Variants in GNG2 observed in about 807,000 individuals in gnomAD.
GNG2 encodes the protein guanine nucleotide-binding protein G(I)/G(S)/G(O) subunit gamma-2.
A neutral mutation model predicts 5.5 loss-of-function variants in GNG2; 5 were observed. The ratio of observed to expected loss-of-function variants is 0.91; its 90% CI spans 0.48 to 1.92. The LOEUF (loss-of-function observed/expected upper bound fraction) is 1.92. Among genes scored for constraint, GNG2 ranks in the 30% most tolerant of loss-of-function variants. The pLI, the probability that GNG2 is intolerant of heterozygous loss-of-function variation, is 0.01. For synonymous variants in GNG2, 28 were observed against 32.0 expected (o/e 0.88, Z 0.42); for missense variants, 55 against 88.4 (o/e 0.62, Z 1.52).
intron 2 of GNG2, among the ~76,000 whole-genome samples, chr14:51,945,922 A>C (rs1473770883): frequency 2.4e-5 from 3 of 123,924 alleles, no homozygotes; most frequent in African/African-American, 8.3e-5. Context: ...TGTTTGTTTA[A>C]GATTCTTTGT....
chr14:51,875,686 A>G (rs1008933513), intron 1 of GNG2, among the ~76,000 whole-genome samples: 4 of 151,042 alleles, frequency 2.6e-5, no homozygotes, highest in Admixed American at 6.6e-5. Context: ...AGAAAAATAT[A>G]TTAAGACATA....
At chr14:51,866,286 G>T (rs141511651) in intron 1 of GNG2, among the ~76,000 whole-genome samples, 1 of 152,138 alleles carries the variant, frequency 6.6e-6, no homozygotes, top group African/African-American at 2.4e-5. Context: ...CTGCATCTCC[G>T]CAGGGCCATT....
intron 2 of GNG2, among the ~76,000 whole-genome samples, chr14:51,909,882 G>A (rs1466657291): frequency 6.6e-6 from 1 of 152,168 alleles, no homozygotes; most frequent in Admixed American, 6.5e-5. Context: ...AAATCCCACT[G>A]TTGCTTTGGT....
At chr14:51,913,502 A>C (rs779313096) in intron 2 of GNG2, among the ~76,000 whole-genome samples, 4 of 152,156 alleles carry the variant, frequency 2.6e-5, no homozygotes, top group South Asian at 2.1e-4. Flanking sequence ...TGACAGAGTG[A>C]GACCCTGTCT....
At position 51,901,486 on chromosome 14, in the gene GNG2, G is replaced by A. The variant is rs73295007; in HGVS notation, c.-30+23829G>A. 8.0e-3 allele frequency among the ~76,000 whole-genome samples: 1,215 copies of A among 152,158 alleles called. 21 individuals are homozygous for A. The highest frequency in any genetic ancestry group is 0.028 in the African/African-American group (1,164 of 41,512). ...TGAGATTACAGATGTGAGCCACCAC[G>A]CCCAGCTGAGAAAGTATCTCTTTAT... On this transcript the variant is annotated intron_variant, in intron 2 of 3. Transcript: ENST00000556766.
chr14:51,869,517 C>G (rs1339996655), intron 1 of GNG2, among the ~76,000 whole-genome samples: 2 of 152,142 alleles, frequency 1.3e-5, no homozygotes, highest in African/African-American at 4.8e-5. Context: ...TTATGTGGCT[C>G]TTTCTGGTTT....
chr14:51,951,736 C>T (rs1446447167), intron 3 of GNG2: 3 of 570,630 alleles, frequency 5.3e-6, no homozygotes, highest in Non-Finnish European at 9.2e-6. Context: ...AGCCAGCCCA[C>T]TGCCTATGTT....
rs61013183 is a variant in GNG2 at position 51,966,231 on chromosome 14, A to AAAAAAAAAAAAAG, written c.88-322_88-321insAAAAAAGAAAAAA. Among the ~76,000 whole-genome samples, 36 of 108,572 alleles carry AAAAAAAAAAAAAG rather than the reference A, an allele frequency of 3.3e-4. 1 individual carries two copies. Among genetic ancestry groups the AAAAAAAAAAAAAG allele is most frequent in the East Asian group, 5.2e-4 (2 of 3,852 alleles). The allele number at this position is 108,572 out of a possible 152,430, so 71.2% of individuals were successfully genotyped here. On this transcript the variant is annotated intron_variant, in intron 3 of 3. Transcript: ENST00000556766. ...TCTCAAAAAAAAAAAAAAAAAAAAA[A>AAAAAAAAAAAAAG]AAAAAACAAATGAAGGAGACAGCCA...
intron 1 of GNG2, among the ~76,000 whole-genome samples, chr14:51,826,890 A>C (rs866867303): frequency 6.6e-6 from 1 of 152,210 alleles, no homozygotes; most frequent in South Asian, 2.1e-4. Flanking sequence ...TAGGCACAGA[A>C]TGAGATGGCT....
At chr14:51,881,263 C>A (rs1025263741) in intron 2 of GNG2, among the ~76,000 whole-genome samples, 1 of 152,146 alleles carries the variant, frequency 6.6e-6, no homozygotes, top group Non-Finnish European at 1.5e-5. Context: ...ACTTTTCCCC[C>A]CTAAGAGACA....
chr14:51,897,191 T>C (rs937295562), intron 2 of GNG2, among the ~76,000 whole-genome samples: 2 of 152,220 alleles, frequency 1.3e-5, no homozygotes, highest in African/African-American at 4.8e-5. Flanking sequence ...TTTAGGAATA[T>C]ATGTTGTATA....
At chr14:51,898,242 C>T (rs925438255) in intron 2 of GNG2, among the ~76,000 whole-genome samples, 1 of 152,286 alleles carries the variant, frequency 6.6e-6, no homozygotes, top group African/African-American at 2.4e-5. Context: ...TTAAATTATA[C>T]AGGAAATGAC....
intron 2 of GNG2, among the ~76,000 whole-genome samples, chr14:51,935,890 G>GT (rs1396842728): frequency 6.6e-6 from 1 of 152,122 alleles, no homozygotes; most frequent in East Asian, 1.9e-4. Context: ...TAATCACTCT[G>GT]TCCCTTAAGT....
At chr14:51,956,616 C>T (rs951680311) in intron 3 of GNG2, among the ~76,000 whole-genome samples, 1 of 152,126 alleles carries the variant, frequency 6.6e-6, no homozygotes, top group Non-Finnish European at 1.5e-5. Context: ...TCTTTGAAAT[C>T]CTTTCAAAAC....
chr14:51,828,828 A>G (rs553642365), intron 2 of GNG2, among the ~76,000 whole-genome samples: 32 of 152,148 alleles, frequency 2.1e-4, no homozygotes, highest in Middle Eastern at 3.4e-3. Flanking sequence ...ACCCTTCAGG[A>G]ACACCCCAGG....
intron 2 of GNG2, among the ~76,000 whole-genome samples, chr14:51,888,918 A>G (rs781461252): frequency 6.6e-6 from 1 of 152,154 alleles, no homozygotes; most frequent in Non-Finnish European, 1.5e-5. Flanking sequence ...ATGCTACAAC[A>G]TGGATGAACC....
At chr14:51,876,167 G>A (rs894693751) in intron 1 of GNG2, among the ~76,000 whole-genome samples, 13 of 152,014 alleles carry the variant, frequency 8.6e-5, no homozygotes, top group African/African-American at 2.9e-4. Context: ...TCAAACTCCT[G>A]GACACAAGTG....
intron 2 of GNG2, chr14:51,841,411 A>C (rs1244016066): frequency 3.5e-6 from 2 of 565,688 alleles, no homozygotes; most frequent in African/African-American, 3.7e-5. Flanking sequence ...ACAAACAAAC[A>C]AACAAAAAGC....
At chr14:51,932,259 AAAAAAAAAAAAAAG>A (rs1354415586) in intron 2 of GNG2, among the ~76,000 whole-genome samples, 2 of 147,938 alleles carry the variant, frequency 1.4e-5, no homozygotes, top group Non-Finnish European at 3.0e-5. Context: ...AAAAAAAAAA[AAAAAAAAAAAAAAG>A]AAAAGAAAAT....
Sources: allele counts gnomAD v4.1 joint callset (sites outside exome capture counted in the v4.1 genomes callset), GRCh38; gene constraint gnomAD v4.1.1; transcripts MANE v1.5; gene names NCBI Gene and HGNC (gene_info 2026-07-23, HGNC 2026-07-21).